The following HS6ST3 variants were observed in gnomAD, a reference collection of about 807,000 sequenced individuals.
HS6ST3 encodes the protein heparan-sulfate 6-O-sulfotransferase 3.
A neutral mutation model predicts 36.7 loss-of-function variants in HS6ST3; 12 were observed. The observed-to-expected ratio is 0.33, with a 90% CI of 0.21 to 0.53. HS6ST3 has a LOEUF of 0.53. HS6ST3 is among the 20% of genes least tolerant of loss of function. The pLI is 0.95. For missense variants in HS6ST3, 584 were observed against 640.9 expected, an observed-to-expected ratio of 0.91 and a Z score of 0.96; for synonymous variants, 240 against 257.5, an observed-to-expected ratio of 0.93 and a Z score of 0.65.
intron 1 of HS6ST3, among the ~76,000 whole-genome samples, chr13:96,274,580 T>G (rs1404044489): frequency 6.6e-6 from 1 of 152,122 alleles, no homozygotes; most frequent in Non-Finnish European, 1.5e-5. Flanking sequence ...TTCCTCTATA[T>G]TTTCTTTGGT....
intron 1 of HS6ST3, among the ~76,000 whole-genome samples, chr13:96,282,959 T>C (rs995244428): frequency 6.6e-6 from 1 of 152,176 alleles, no homozygotes; most frequent in Non-Finnish European, 1.5e-5. Context: ...AAGAGCAACA[T>C]TGTTAGCTGG....
chr13:96,150,535 A>G (rs368735237), intron 1 of HS6ST3, among the ~76,000 whole-genome samples: 2 of 152,292 alleles, frequency 1.3e-5, no homozygotes, highest in South Asian at 2.1e-4. Context: ...ACAGTTTAAA[A>G]AAATAGTTAA....
chr13:96,806,593 G>A (rs1441821851), intron 1 of HS6ST3, among the ~76,000 whole-genome samples: 1 of 152,140 alleles, frequency 6.6e-6, no homozygotes, highest in Admixed American at 6.5e-5. Flanking sequence ...ATCTGCTTGG[G>A]AGAAAAGCAT....
intron 1 of HS6ST3, among the ~76,000 whole-genome samples, chr13:96,331,024 T>G (rs1182256856): frequency 2.6e-5 from 4 of 152,234 alleles, no homozygotes; most frequent in Non-Finnish European, 5.9e-5. Flanking sequence ...GCCTTGGTTT[T>G]CAGCTCCATC....
intron 1 of HS6ST3, among the ~76,000 whole-genome samples, chr13:96,276,031 C>G (rs1204054764): frequency 6.6e-6 from 1 of 152,062 alleles, no homozygotes; most frequent in South Asian, 2.1e-4. Context: ...CCCATCATGC[C>G]TTGCCTCTCC....
chr13:96,196,868 A>G (rs1594712470), intron 1 of HS6ST3, among the ~76,000 whole-genome samples: 2 of 152,352 alleles, frequency 1.3e-5, no homozygotes, highest in South Asian at 2.1e-4. Context: ...AGCTGCATCC[A>G]TGGCATCTGC....
chr13:96,131,873 GT>G (rs909069049), intron 1 of HS6ST3, among the ~76,000 whole-genome samples: 12 of 150,746 alleles, frequency 8.0e-5, no homozygotes, highest in Non-Finnish European at 1.5e-5. Flanking sequence ...TTGTTAGGAA[GT>G]TTTCACTAAG....
At chr13:96,133,489 C>G (rs902267869) in intron 1 of HS6ST3, among the ~76,000 whole-genome samples, 1 of 152,132 alleles carries the variant, frequency 6.6e-6, no homozygotes, top group Non-Finnish European at 1.5e-5. Flanking sequence ...GTGGTGCAAT[C>G]TTGGCTCACT....
intron 1 of HS6ST3, among the ~76,000 whole-genome samples, chr13:96,717,281 C>T (rs1184208336): frequency 6.6e-6 from 1 of 152,120 alleles, no homozygotes; most frequent in Non-Finnish European, 1.5e-5. Flanking sequence ...ACAATGCATT[C>T]CAGTGGGTGA....
intron 1 of HS6ST3, among the ~76,000 whole-genome samples, chr13:96,196,421 G>A (rs1019550182): frequency 2.0e-5 from 3 of 151,980 alleles, no homozygotes; most frequent in African/African-American, 7.3e-5. Flanking sequence ...CTTTTTGAAA[G>A]GTAAATCAGA....
At chr13:96,106,989 G>A (rs1483105596) in intron 1 of HS6ST3, among the ~76,000 whole-genome samples, 5 of 152,148 alleles carry the variant, frequency 3.3e-5, no homozygotes, top group Non-Finnish European at 7.4e-5. Flanking sequence ...TTAACTGTTC[G>A]GATAGAGGCA....
intron 1 of HS6ST3, among the ~76,000 whole-genome samples, chr13:96,241,927 A>G (rs2054562461): frequency 6.6e-6 from 1 of 151,460 alleles, no homozygotes. Flanking sequence ...CTGGGACCAC[A>G]GGCGTCCACC....
chr13:96,815,938 A>C, intron 1 of HS6ST3, among the ~76,000 whole-genome samples: 1 of 152,196 alleles, frequency 6.6e-6, no homozygotes, highest in East Asian at 1.9e-4. Flanking sequence ...CATCTCCTTC[A>C]GGGGTCTGCC....
intron 1 of HS6ST3, among the ~76,000 whole-genome samples, chr13:96,550,412 G>T (rs2056215377): frequency 6.6e-6 from 1 of 152,166 alleles, no homozygotes; most frequent in African/African-American, 2.4e-5. Context: ...CTGGTGACAT[G>T]TCTGTACAGT....
At chr13:96,756,018 A>C (rs1566446042) in intron 1 of HS6ST3, among the ~76,000 whole-genome samples, 1 of 152,172 alleles carries the variant, frequency 6.6e-6, no homozygotes, top group Admixed American at 6.5e-5. Context: ...TAGCCATTGT[A>C]GTAAGTGTGA....
At chr13:96,705,998 A>G (rs1875413204) in intron 1 of HS6ST3, among the ~76,000 whole-genome samples, 1 of 152,004 alleles carries the variant, frequency 6.6e-6, no homozygotes, top group South Asian at 2.1e-4. Flanking sequence ...TTAGTAGAGG[A>G]TTTTTCAAGT....
chr13:96,201,291 A>G (rs968798027), intron 1 of HS6ST3, among the ~76,000 whole-genome samples: 15 of 152,170 alleles, frequency 9.9e-5, no homozygotes, highest in African/African-American at 3.6e-4. Flanking sequence ...CTGCTTTCCA[A>G]TTAGCTTCCA....
intron 1 of HS6ST3, among the ~76,000 whole-genome samples, chr13:96,816,289 A>C (rs1878421453): frequency 6.6e-6 from 1 of 152,224 alleles, no homozygotes; most frequent in South Asian, 2.1e-4. Context: ...AGGCAAATTA[A>C]GAGGGGCTAC....
At chr13:96,483,864 G>A (rs565970731) in intron 1 of HS6ST3, among the ~76,000 whole-genome samples, 63 of 152,220 alleles carry the variant, frequency 4.1e-4, no homozygotes, top group Non-Finnish European at 7.5e-4. Context: ...ATCGTCTAGA[G>A]TTTTAAAGTT....
Sources: gnomAD v4.1 joint callset for allele counts (sites outside exome capture counted in the v4.1 genomes callset) on GRCh38, gnomAD v4.1.1 for gene constraint, MANE v1.5 for transcripts, NCBI Gene and HGNC (gene_info 2026-07-23, HGNC 2026-07-21) for gene names.